The following YEATS2 variants were observed in gnomAD, a reference collection of about 807,000 sequenced individuals.
YEATS2 encodes the protein YEATS domain-containing protein 2.
YEATS2 carries 77 observed loss-of-function variants against 163.2 expected under a neutral mutation model. The ratio of observed to expected loss-of-function variants is 0.47; its 90% confidence interval spans 0.39 to 0.57. YEATS2 has a LOEUF of 0.57. Among genes scored for constraint, YEATS2 ranks in the 20% least tolerant of loss-of-function variants. The probability of loss-of-function intolerance (pLI) is 0.00; values close to 1 mark genes in which losing one functional copy is unlikely to be tolerated. For missense variants in YEATS2, 1,549 were observed against 1,729.8 expected, an observed-to-expected ratio of 0.90 and a Z score of 1.85; for synonymous variants, 631 against 645.1, an observed-to-expected ratio of 0.98 and a Z score of 0.33.
intron 1 of YEATS2, among the ~76,000 whole-genome samples, chr3:183,703,144 T>G (rs1714281659): frequency 6.6e-6 from 1 of 152,328 alleles, no homozygotes; most frequent in East Asian, 1.9e-4. Flanking sequence ...TCTTTACATG[T>G]TATTAGAAAT....
intron 16 of YEATS2, 105 bp from the exon 17 acceptor site, chr3:183,773,528 C>T: frequency 1.8e-6 from 2 of 1,104,632 alleles, no homozygotes; most frequent in Non-Finnish European, 2.5e-6. Context: ...GAATTTATTG[C>T]TTGTTAGTGT....
At chr3:183,768,398 A>G (rs1454774642) in intron 15 of YEATS2, among the ~76,000 whole-genome samples, 1 of 152,196 alleles carries the variant, frequency 6.6e-6, no homozygotes, top group Non-Finnish European at 1.5e-5. Context: ...GGGCTGGGAA[A>G]TAGAGTTGTG....
At chr3:183,722,333 G>A (rs1488608335) in intron 5 of YEATS2, among the ~76,000 whole-genome samples, 197 bp downstream of exon 5, 1 of 132,748 alleles carries the variant, frequency 7.5e-6, no homozygotes, top group Non-Finnish European at 1.5e-5. Context: ...CTGTTGCCCA[G>A]GCTGGAGTGC....
chr3:183,800,634 GTA>G (rs1725583031), intron 24 of YEATS2, 66 bp downstream of exon 24: 3 of 1,325,286 alleles, frequency 2.3e-6, no homozygotes, highest in South Asian at 2.5e-5. Flanking sequence ...TGACAGCTGA[GTA>G]TGTGCAGAGT....
chr3:183,803,953 G>T, intron 26 of YEATS2, 34 bp from the exon 27 acceptor site: 1 of 1,607,534 alleles, frequency 6.2e-7, no homozygotes, highest in South Asian at 1.1e-5. Flanking sequence ...GGAAGGATTT[G>T]ATTATGGTTC....
chr3:183,803,156 T>C, intron 25 of YEATS2, 100 bp from the exon 26 acceptor site: 2 of 1,243,570 alleles, frequency 1.6e-6, no homozygotes, highest in Non-Finnish European at 2.3e-6. Flanking sequence ...ATACATGCGA[T>C]AAAGAGGTCT....
chr3:183,747,321 G>A (rs909748203), intron 8 of YEATS2, among the ~76,000 whole-genome samples: 1 of 151,972 alleles, frequency 6.6e-6, no homozygotes, highest in African/African-American at 2.4e-5. Context: ...ATGGTCCATG[G>A]TTTACTTACA....
rs530699869 is a variant in YEATS2 at position 183,699,196 on chromosome 3, GT to G, written c.-20+1204del. 2.2e-3 allele frequency among the ~76,000 whole-genome samples: 340 copies of G among 152,224 alleles called. 1 individual carries two copies. The highest frequency in any genetic ancestry group is 6.0e-3 in the Admixed American group (92 of 15,264). ...CAAGACTTGGATTGGTGAGGGAATG[GT>G]GGGAATCTTTGCTTTTTTGATTTTT... is the stretch of plus-strand genomic sequence containing the variant. On this transcript the variant is annotated intron_variant, in intron 1 of 30. Transcript: ENST00000305135.
In YEATS2 at chr3:183,724,495, T is replaced by G. The variant is rs1378190264; in HGVS notation, c.614T>G (p.Phe205Cys). 6.2e-7 allele frequency: 1 copy of G among 1,613,756 alleles called. No individual in the cohort carries two copies. ...ADLTDETSRL[F>C]VKKTIVVGNV... is the part of the protein sequence containing the mutation. The stretch of plus-strand genomic sequence containing the variant: ...CTCACAGATGAGACTTCACGACTTT[T>G]TGTAAAGAAAACAATAGTAGTGGGC... The change falls in exon 6 of 31, where the codon TTT (phenylalanine) becomes TGT (cysteine). Residue 205 changes from phenylalanine to cysteine, a missense_variant. Phe to Cys is a radical substitution (Grantham distance 205). Transcript: ENST00000305135.
intron 17 of YEATS2, 148 bp downstream of exon 17, chr3:183,773,942 T>C: frequency 2.2e-6 from 2 of 919,624 alleles, no homozygotes; most frequent in South Asian, 5.3e-5. Context: ...TCAGATGGAT[T>C]TAACACATAC....
At chr3:183,731,411 A>T (rs181154878) in intron 7 of YEATS2, among the ~76,000 whole-genome samples, 56 of 152,278 alleles carry the variant, frequency 3.7e-4, no homozygotes, top group African/African-American at 1.3e-3. Context: ...GAAATCTCAT[A>T]TACCCAAAAG....
chr3:183,698,519 G>A (rs536245497), intron 1 of YEATS2, among the ~76,000 whole-genome samples: 4 of 152,320 alleles, frequency 2.6e-5, no homozygotes, highest in African/African-American at 9.6e-5. Flanking sequence ...CGGAAAGTGA[G>A]GACTCCTGCA....
intron 1 of YEATS2, among the ~76,000 whole-genome samples, chr3:183,712,741 G>A (rs547470830): frequency 1.3e-5 from 2 of 151,482 alleles, no homozygotes; most frequent in African/African-American, 4.8e-5. Flanking sequence ...TGAGCCTTAG[G>A]ATTGTGGCTA....
At chr3:183,809,394 C>A in intron 30 of YEATS2, 1 of 477,468 alleles carries the variant, frequency 2.1e-6, no homozygotes, top group South Asian at 3.1e-5. Flanking sequence ...ATATCCTCCT[C>A]ATTACTTCAC....
At chr3:183,805,857 CTCCTT>C (rs538257743) in intron 27 of YEATS2, among the ~76,000 whole-genome samples, 1 of 152,128 alleles carries the variant, frequency 6.6e-6, no homozygotes, top group East Asian at 1.9e-4. Context: ...AGGATGGCCT[CTCCTT>C]TCTCTCATCT....
At chr3:183,771,184 TTC>T (rs1722419537) in intron 15 of YEATS2, among the ~76,000 whole-genome samples, 1 of 152,204 alleles carries the variant, frequency 6.6e-6, no homozygotes, top group Non-Finnish European at 1.5e-5. Context: ...CTCTAGTAAC[TTC>T]TTGGTTTTAA....
chr3:183,786,083 TC>T (rs1724034965), intron 19 of YEATS2, 41 bp from the exon 20 acceptor site: 5 of 1,595,214 alleles, frequency 3.1e-6, no homozygotes, highest in Non-Finnish European at 3.4e-6. Flanking sequence ...ATGTCTATTA[TC>T]CAAGGCAACA....
chr3:183,788,532 T>C (rs1006520740), intron 20 of YEATS2, among the ~76,000 whole-genome samples: 1 of 152,258 alleles, frequency 6.6e-6, no homozygotes, highest in African/African-American at 2.4e-5. Flanking sequence ...TACCACATTT[T>C]CTTTATCGTT....
intron 1 of YEATS2, among the ~76,000 whole-genome samples, chr3:183,699,206 T>C (rs1713808219): frequency 6.6e-6 from 1 of 152,050 alleles, no homozygotes; most frequent in East Asian, 1.9e-4. Flanking sequence ...GTGGGAATCT[T>C]TGCTTTTTTG....
Sources: gnomAD v4.1 joint callset for allele counts (sites outside exome capture counted in the v4.1 genomes callset) on GRCh38, gnomAD v4.1.1 for gene constraint, MANE v1.5 for transcripts, NCBI Gene and HGNC (gene_info 2026-07-23, HGNC 2026-07-21) for gene names.